SLC44A1: variants seen among roughly 807,000 people sequenced by gnomAD.
The protein encoded by SLC44A1 is solute carrier family 44 member 1, also known as choline transporter-like protein 1.
In SLC44A1, 26 loss-of-function variants were observed where a neutral mutation model predicts 79.3. The observed-to-expected ratio is 0.33, with a 90% CI of 0.24 to 0.46. The LOEUF is 0.46. Among genes scored for constraint, SLC44A1 ranks in the 20% least tolerant of loss-of-function variants. The pLI is 1.00. For missense variants in SLC44A1, 688 were observed against 798.1 expected (o/e 0.86, Z 1.66); for synonymous variants, 263 against 286.2 (o/e 0.92, Z 0.82).
At chr9:105,371,194 G>A (rs1828086947) in intron 12 of SLC44A1, among the ~76,000 whole-genome samples, 1 of 152,166 alleles carries the variant, frequency 6.6e-6, no homozygotes, top group Non-Finnish European at 1.5e-5. Context: ...CAGTAAGAGG[G>A]TGGGTTCCAC....
rs1348568320 is a variant in SLC44A1, at chr9:105,390,259, G to A, written c.*1203G>A. On this transcript the variant is annotated 3_prime_UTR_variant, in exon 16 of 16. Coordinates refer to ENST00000374720, the MANE Select transcript of SLC44A1 (RefSeq NM_080546.5). ...ACTCCATTGTTCTGCTTGTTGTAAT[G>A]GTGAATGCTTTAAGAAAAAAAAGTG... The A allele has an allele frequency of 3.8e-6, 4 of 1,054,518 alleles. No homozygotes were observed. In the Admixed American group the frequency reaches 2.2e-4, roughly 57 times the overall value. The allele number at this position is 1,054,518 out of a possible 1,614,324, so 65.3% of individuals were successfully genotyped here.
At chr9:105,360,790 G>A (rs574424670) in intron 7 of SLC44A1, among the ~76,000 whole-genome samples, 1 of 152,254 alleles carries the variant, frequency 6.6e-6, no homozygotes, top group African/African-American at 2.4e-5. Context: ...GAAGATCCTT[G>A]CCCTCTTTAA....
At chr9:105,350,260 C>T (rs960977747) in intron 5 of SLC44A1, among the ~76,000 whole-genome samples, 1 of 152,116 alleles carries the variant, frequency 6.6e-6, no homozygotes, top group African/African-American at 2.4e-5. Flanking sequence ...AAGAGAAGAA[C>T]ATTTGATAGA....
intron 1 of SLC44A1, among the ~76,000 whole-genome samples, chr9:105,248,280 A>T (rs181707922): frequency 6.6e-6 from 1 of 152,326 alleles, no homozygotes; most frequent in Admixed American, 6.5e-5. Context: ...GCTATGTTGT[A>T]GATTCTCATA....
chr9:105,394,032 A>C lies in SLC44A1; in HGVS notation c.*4976A>C. 2.0e-6 allele frequency: 2 copies of C among 985,054 alleles called. No individual in the cohort carries two copies. The highest frequency in any genetic ancestry group is 2.4e-6 in the Non-Finnish European group (2 of 829,554). The allele number at this position is 985,054 out of a possible 1,614,324, so 61.0% of individuals were successfully genotyped here. A position where few individuals can be genotyped will look rare whatever the true frequency, so the allele number is the denominator to read the frequency against. ...GAGACAATGGGTCTCTTTGAGCTTA[A>C]GAAAGCTATGGACTATCTTTCCTTC... On this transcript the variant is annotated 3_prime_UTR_variant, in exon 16 of 16. Transcript: ENST00000374720.
intron 1 of SLC44A1, among the ~76,000 whole-genome samples, chr9:105,288,177 C>A (rs1830518792): frequency 6.6e-6 from 1 of 152,120 alleles, no homozygotes; most frequent in African/African-American, 2.4e-5. Flanking sequence ...TCTAACACAA[C>A]TGTTTATTAT....
intron 4 of SLC44A1, among the ~76,000 whole-genome samples, chr9:105,338,233 A>G (rs1398624165): frequency 6.6e-6 from 1 of 152,198 alleles, no homozygotes; most frequent in Non-Finnish European, 1.5e-5. Flanking sequence ...TTGAGTAGCA[A>G]CCCTAAGTTG....
chr9:105,357,283 C>T (rs577368684), intron 6 of SLC44A1: 1 of 152,150 alleles, frequency 6.6e-6, no homozygotes, highest in Non-Finnish European at 1.5e-5. Context: ...GTTACCTAGA[C>T]ACAAATCCCA....
intron 4 of SLC44A1, among the ~76,000 whole-genome samples, chr9:105,337,571 A>C (rs142402481): frequency 1.0e-3 from 159 of 152,308 alleles, no homozygotes; most frequent in African/African-American, 3.8e-3. Flanking sequence ...ACATTCCTAG[A>C]ACTTCAATCA....
chr9:105,298,335 T>TTTG (rs376740363), intron 1 of SLC44A1, among the ~76,000 whole-genome samples: 120 of 152,070 alleles, frequency 7.9e-4, no homozygotes, highest in East Asian at 2.1e-3. Flanking sequence ...GAATCCCGTT[T>TTTG]TTGTTGTTGT....
chr9:105,298,506 C>T lies in SLC44A1; in HGVS notation c.37-714C>T, dbSNP rs565584056. ...TAGCTGGAATTACAGCCCACCACCA[C>T]GCCCAGCTAATGTTTGTATTTTTAG... On this transcript the variant is annotated intron_variant, in intron 1 of 15. Transcript: ENST00000374720. Among the ~76,000 whole-genome samples, 87 of 152,200 alleles carry T rather than the reference C, an allele frequency of 5.7e-4. 1 individual carries two copies. Among genetic ancestry groups the T allele is most frequent in the African/African-American group, 1.9e-3 (80 of 41,490 alleles).
intron 2 of SLC44A1, among the ~76,000 whole-genome samples, chr9:105,305,576 A>G (rs1831006539): frequency 6.6e-6 from 1 of 152,128 alleles, no homozygotes; most frequent in African/African-American, 2.4e-5. Flanking sequence ...ATAGAGGTTA[A>G]GTGAAGGAGG....
intron 3 of SLC44A1, among the ~76,000 whole-genome samples, chr9:105,332,181 G>A (rs1006994587): frequency 6.9e-6 from 1 of 145,534 alleles, no homozygotes; most frequent in Non-Finnish European, 1.5e-5. Flanking sequence ...GTGCGGTGGT[G>A]CGACCTCGGC....
rs1352320514 is a variant in SLC44A1 at position 105,396,842 on chromosome 9, T to C, written c.*7786T>C. 1.0e-6 allele frequency: 1 copy of C among 984,948 alleles called. No homozygotes were observed. The highest frequency in any genetic ancestry group is 6.1e-5 in the Admixed American group (1 of 16,266). 61.0% of individuals were successfully genotyped at this position (984,948 alleles called of 1,614,324 possible). ...AGTTAAGCCTTCCATGAATTCATAG[T>C]TTGGAATCATTTACCTTACCATTAT... is the stretch of plus-strand genomic sequence containing the variant. On this transcript the variant is annotated 3_prime_UTR_variant, in exon 16 of 16. Coordinates refer to ENST00000374720, the MANE Select transcript of SLC44A1 (RefSeq NM_080546.5).
rs1273278334 is a variant in SLC44A1, at chr9:105,390,738, T to A, written c.*1682T>A. 1.0e-6 allele frequency: 1 copy of A among 985,518 alleles called. No individual in the cohort carries two copies. The highest frequency in any genetic ancestry group is 1.2e-6 in the Non-Finnish European group (1 of 829,764). 61.0% of individuals were successfully genotyped at this position (985,518 alleles called of 1,614,324 possible). A position where few individuals can be genotyped will look rare whatever the true frequency, so the allele number is the denominator to read the frequency against. On this transcript the variant is annotated 3_prime_UTR_variant, in exon 16 of 16. Transcript: ENST00000374720. ...TTCTTTTAAAAGTTCATGTAATATT[T>A]CTGATTTTTCAGAATATTTGCAATA...
rs202102539 is a variant in SLC44A1, at chr9:105,383,294, G to T, written c.1804G>T (p.Ala602Ser). ...AGTGGATGTATTATTCTTGTGTTTT[G>T]CCATTGATACAAAATACAATGATGG... ...MVVDVLFLCF[A>S]IDTKYNDGSP... The change falls in exon 14 of 16, where the codon GCC becomes TCC. Residue 602 changes from alanine to serine, a missense_variant. Physicochemically the swap from Ala to Ser is moderately conservative, Grantham distance 99. Transcript: ENST00000374720. The T allele has an allele frequency of 6.2e-7, 1 of 1,613,822 alleles. No homozygotes were observed.
At chr9:105,306,034 A>G (rs1831022578) in intron 2 of SLC44A1, among the ~76,000 whole-genome samples, 1 of 152,050 alleles carries the variant, frequency 6.6e-6, no homozygotes, top group Admixed American at 6.5e-5. Context: ...CCATCCCTGT[A>G]TGCCTTCATC....
At chr9:105,347,568 T>C (rs1264245839) in intron 4 of SLC44A1, among the ~76,000 whole-genome samples, 1 of 152,060 alleles carries the variant, frequency 6.6e-6, no homozygotes, top group Non-Finnish European at 1.5e-5. Flanking sequence ...TATAGAGTTA[T>C]AGTAAATTAT....
intron 1 of SLC44A1, among the ~76,000 whole-genome samples, chr9:105,260,381 G>A (rs1829811771): frequency 6.6e-6 from 1 of 152,098 alleles, no homozygotes; most frequent in Admixed American, 6.5e-5. Flanking sequence ...CACACTTTGA[G>A]TAACACTGCT....
Sources: gnomAD v4.1 joint callset for allele counts (sites outside exome capture counted in the v4.1 genomes callset) on GRCh38, gnomAD v4.1.1 for gene constraint, MANE v1.5 for transcripts, NCBI Gene and HGNC (gene_info 2026-07-23, HGNC 2026-07-21) for gene names.